Variants in TSEN54 observed in about 807,000 individuals in gnomAD.
TSEN54 encodes the protein tRNA-splicing endonuclease subunit Sen54.
Under a neutral mutation model 61.9 loss-of-function variants are expected in TSEN54, and 55 were observed. The observed-to-expected ratio is 0.89, with a 90% confidence interval of 0.72 to 1.11. TSEN54 has a LOEUF of 1.11. Ranked by LOEUF, TSEN54 falls within the 50% of genes most tolerant of loss-of-function variation. The pLI is 0.00. For missense variants in TSEN54, 760 were observed against 687.7 expected (o/e 1.11, Z -1.18); for synonymous variants, 304 against 288.7 (o/e 1.05, Z -0.54).
Position 75,522,140 on chromosome 17 carries a change from G to A in TSEN54, c.1059G>A (p.Arg353=). Residue 353 remains arginine, a synonymous_variant, in exon 8 of 11, where the codon CGG becomes CGA. Transcript: ENST00000333213. ...AGGAGAAGCTCTCCAGGCGGGAACG[G>A]GAGCACCACGCGGAGGCCGCGCAGT... is the stretch of plus-strand genomic sequence containing the variant. ...QRKEKLSRRE[R]EHHAEAAQFQ... 6.4e-7 allele frequency: 1 copy of A among 1,563,590 alleles called. No individual in the cohort carries two copies.
chr17:75,524,172 C>T (rs2053471663), intron 10 of TSEN54, 90 bp from the exon 11 acceptor site: 2 of 1,582,968 alleles, frequency 1.3e-6, no homozygotes, highest in East Asian at 2.2e-5. Flanking sequence ...TCTTGCACCC[C>T]AACTCCTTCC....
At position 75,517,674 on chromosome 17, in the gene TSEN54, C is replaced by T. The variant is rs577885221; in HGVS notation, c.468+19C>T. The T allele has an allele frequency of 6.3e-7, 1 of 1,595,972 alleles. No individual in the cohort carries two copies. The highest frequency in any genetic ancestry group is 1.7e-5 in the Admixed American group (1 of 59,986). On this transcript the variant is annotated intron_variant, in intron 5 of 10. Transcript: ENST00000333213. Reference sequence around the variant, plus strand: ...GTACCAGGTATCTGCCACCACCCCGCCTCCGGGAGCCACCCATCCACTGAA... The same window carrying T: ...GTACCAGGTATCTGCCACCACCCCGTCTCCGGGAGCCACCCATCCACTGAA...
intron 8 of TSEN54, 140 bp from the exon 9 acceptor site, chr17:75,523,135 C>T (rs1051235167): frequency 3.4e-5 from 37 of 1,098,642 alleles, no homozygotes; most frequent in African/African-American, 1.5e-4. Flanking sequence ...GCCAAGATCA[C>T]GCCACTATAC....
In TSEN54 at chr17:75,522,012, C is replaced by A; in HGVS notation, c.931C>A (p.Arg311Ser). Residue 311 changes from arginine (R) to serine (S), a missense_variant, in exon 8 of 11, where the codon CGC (arginine) becomes AGC (serine). By Grantham distance (110) the Arg-to-Ser change is moderately radical. Around this residue, in one of 3 missense-constraint regions of TSEN54, gnomAD observed 667 missense variants for 577.8 expected, o/e 1.15. Coordinates refer to ENST00000333213, the MANE Select transcript of TSEN54 (RefSeq NM_207346.3). The stretch of plus-strand genomic sequence containing the variant: ...CTTCCCCAACATGGCTTCAGACAGC[C>A]GCCACACCCTTCTGCGCGCCCCAGC... ...ISFPNMASDS[R>S]HTLLRAPAPE... The A allele has an allele frequency of 6.3e-7, 1 of 1,599,316 alleles. No homozygotes were observed. Among genetic ancestry groups the A allele is most frequent in the Non-Finnish European group, 8.5e-7 (1 of 1,173,882 alleles).
In TSEN54 at chr17:75,522,146, C is replaced by T. The variant is rs1274461169; in HGVS notation, c.1065C>T (p.His355=). The change falls in exon 8 of 11, where the codon CAC becomes CAT. Residue 355 remains histidine (H), a synonymous_variant. Coordinates refer to ENST00000333213, the MANE Select transcript of TSEN54 (RefSeq NM_207346.3). ...AGCTCTCCAGGCGGGAACGGGAGCA[C>T]CACGCGGAGGCCGCGCAGTTCCAGG... is the stretch of plus-strand genomic sequence containing the variant. ...KEKLSRRERE[H]HAEAAQFQED... 5.8e-6 allele frequency: 9 copies of T among 1,561,044 alleles called. No homozygotes were observed. Among genetic ancestry groups the T allele is most frequent in the African/African-American group, 1.4e-5 (1 of 73,384 alleles).
In TSEN54 at chr17:75,524,558, C is replaced by T; in HGVS notation, c.*146C>T. 1 of 1,010,492 alleles carries T rather than the reference C, an allele frequency of 9.9e-7. No homozygotes were observed. Among genetic ancestry groups the T allele is most frequent in the East Asian group, 2.5e-5 (1 of 40,648 alleles). The allele number at this position is 1,010,492 out of a possible 1,614,324, so 62.6% of individuals were successfully genotyped here. A position where few individuals can be genotyped will look rare whatever the true frequency, so the allele number is the denominator to read the frequency against. ...GCCTTGGCCCTGGGTGTCTGATACT[C>T]ACAGAGTGAAACTGTGACCCTCTCC... is the stretch of plus-strand genomic sequence containing the variant. On this transcript the variant is annotated 3_prime_UTR_variant, in exon 11 of 11. Coordinates refer to ENST00000333213, the MANE Select transcript of TSEN54 (RefSeq NM_207346.3).
At chr17:75,520,240 G>C (rs1206667345) in intron 6 of TSEN54, among the ~76,000 whole-genome samples, 3 of 152,178 alleles carry the variant, frequency 2.0e-5, no homozygotes. Flanking sequence ...CTGTGGGACT[G>C]AATGTTTAAT....
intron 8 of TSEN54, chr17:75,523,022 T>C (rs2053444991): frequency 2.1e-6 from 1 of 471,540 alleles, no homozygotes; most frequent in Non-Finnish European, 3.9e-6. Context: ...CTACTAAAAA[T>C]ACAAAAATTA....
At chr17:75,518,459 C>T in intron 5 of TSEN54, 1 of 937,516 alleles carries the variant, frequency 1.1e-6, no homozygotes, top group South Asian at 4.9e-5. Context: ...AAAAGAAGGT[C>T]TTTCAAGGAG....
intron 5 of TSEN54, 130 bp downstream of exon 5, chr17:75,517,785 C>T (rs962921228): frequency 2.1e-5 from 17 of 817,394 alleles, no homozygotes; most frequent in African/African-American, 1.5e-4. Context: ...TATGCTGTCA[C>T]GAGGCTTACA....
chr17:75,520,585 C>CAAAAAAAAAAAAAAAA (rs200508248), intron 6 of TSEN54, among the ~76,000 whole-genome samples: 2 of 131,758 alleles, frequency 1.5e-5, no homozygotes, highest in African/African-American at 2.9e-5. Flanking sequence ...AACTCTATCT[C>CAAAAAAAAAAAAAAAA]AAAAAAAAAA....
At position 75,524,699 on chromosome 17, in the gene TSEN54, C is replaced by T. The variant is rs1270308330; in HGVS notation, c.*287C>T. ...TTAACGAGAGGGTGCCTGCTTCGTG[C>T]TATAAAGCCAAAGCCATTAAAAATA... On this transcript the variant is annotated 3_prime_UTR_variant, in exon 11 of 11. Transcript: ENST00000333213. 1.9e-6 allele frequency: 1 copy of T among 521,698 alleles called. No individual in the cohort carries two copies. The highest frequency in any genetic ancestry group is 3.5e-6 in the Non-Finnish European group (1 of 286,702). The allele number at this position is 521,698 out of a possible 1,614,324, so 32.3% of individuals were successfully genotyped here.
chr17:75,523,200 G>T, intron 8 of TSEN54, 75 bp from the exon 9 acceptor site: 1 of 1,601,330 alleles, frequency 6.2e-7, no homozygotes, highest in Non-Finnish European at 8.6e-7. Context: ...TGCTAAATCT[G>T]GCCGTCCTAA....
At position 75,519,042 on chromosome 17, in the gene TSEN54, A is replaced by G. The variant is rs761015722; in HGVS notation, c.516A>G (p.Gln172=). 2.5e-6 allele frequency: 4 copies of G among 1,614,008 alleles called. No individual in the cohort carries two copies. In the South Asian group the frequency reaches 3.3e-5, roughly 13 times the overall value. Residue 172 remains glutamine (Q), a synonymous_variant, in exon 6 of 11, where the codon CAA becomes CAG. Transcript: ENST00000333213. ...KRLGYVVRRF[Q]PSSVLSPYER... is the part of the protein sequence containing the mutation. The stretch of plus-strand genomic sequence containing the variant: ...TGGGTTATGTGGTTCGACGATTCCA[A>G]CCAAGGTAAATCCCCTTCCTGTTCC...
intron 1 of TSEN54, 29 bp downstream of exon 1, chr17:75,516,645 T>C (rs1288047938): frequency 2.4e-6 from 3 of 1,232,956 alleles, no homozygotes; most frequent in East Asian, 6.8e-5. Flanking sequence ...GGAGTGGGTG[T>C]CGGGGGCGCG....
intron 6 of TSEN54, among the ~76,000 whole-genome samples, chr17:75,519,326 A>C (rs1242015671): frequency 1.3e-5 from 2 of 152,236 alleles, no homozygotes; most frequent in African/African-American, 2.4e-5. Context: ...GGATTGGAAC[A>C]GTGCCTGGCA....
In TSEN54 at chr17:75,521,720, G is replaced by A. The variant is rs763951969; in HGVS notation, c.639G>A (p.Lys213=). 1.3e-5 allele frequency: 21 copies of A among 1,613,120 alleles called. No individual in the cohort carries two copies. Among genetic ancestry groups the A allele is most frequent in the Non-Finnish European group, 1.8e-5 (21 of 1,179,938 alleles). The stretch of plus-strand genomic sequence containing the variant: ...CGTCCCTCAGGTCCATTAATAAGAA[G>A]GCCAAGGCCCTGGACAACTCCCTGC... The part of the protein sequence containing the change: ...SSSSPRSINK[K]AKALDNSLQP... The change falls in exon 8 of 11, where the codon AAG becomes AAA. Residue 213 remains lysine (K), a synonymous_variant. Coordinates refer to ENST00000333213, the MANE Select transcript of TSEN54 (RefSeq NM_207346.3).
chr17:75,517,107 CCCT>C (rs1368190541), intron 3 of TSEN54, 35 bp downstream of exon 3: 2 of 1,185,574 alleles, frequency 1.7e-6, no homozygotes. Context: ...GGACCGCCCT[CCCT>C]GCCCTCCCTG....
chr17:75,522,175 AT>A lies in TSEN54; in HGVS notation c.1095del (p.Asp365GlufsTer45). On this transcript the variant is annotated frameshift_variant, in exon 8 of 11. Transcript: ENST00000333213. LOFTEE classifies it high-confidence loss of function. ...HHAEAAQFQE[D>X]VNADPEVQRC... ...GCGGAGGCCGCGCAGTTCCAGGAAG[AT>A]GTCAACGCCGATCCCGAGGTGCAGC... 1 of 1,551,396 alleles carries A rather than the reference AT, an allele frequency of 6.4e-7. No homozygotes were observed. The highest frequency in any genetic ancestry group is 8.7e-7 in the Non-Finnish European group (1 of 1,145,454).
Sources: allele counts gnomAD v4.1 joint callset (sites outside exome capture counted in the v4.1 genomes callset), GRCh38; gene constraint gnomAD v4.1.1; regional missense constraint gnomAD v4.1.1; transcripts MANE v1.5; gene names NCBI Gene and HGNC (gene_info 2026-07-23, HGNC 2026-07-21).